The following DLEU7 variants were observed in gnomAD, a reference collection of about 807,000 sequenced individuals.
DLEU7 encodes the protein deleted in lymphocytic leukemia 7.
DLEU7 carries 17 observed loss-of-function variants against 16.0 expected under a neutral mutation model. That is an observed-to-expected ratio of 1.06 (90% CI 0.73 to 1.59). DLEU7 has a LOEUF of 1.59. DLEU7 is among the 40% of genes most tolerant of loss of function. DLEU7 has a pLI of 0.00. For missense variants in DLEU7, 308 were observed against 314.9 expected, an observed-to-expected ratio of 0.98 and a Z score of 0.17; for synonymous variants, 113 against 139.8, an observed-to-expected ratio of 0.81 and a Z score of 1.35.
chr13:50,725,904 A>G (rs1873750942), intron 1 of DLEU7, among the ~76,000 whole-genome samples: 1 of 152,154 alleles, frequency 6.6e-6, no homozygotes, highest in African/African-American at 2.4e-5. Context: ...TCTAATCATG[A>G]AGGTCTTGGT....
chr13:50,731,187 G>A (rs1348375063), intron 1 of DLEU7, among the ~76,000 whole-genome samples: 1 of 152,180 alleles, frequency 6.6e-6, no homozygotes, highest in Non-Finnish European at 1.5e-5. Flanking sequence ...CCTGTAGTGG[G>A]TATTTAAACC....
chr13:50,731,804 A>G (rs957175209), intron 1 of DLEU7, among the ~76,000 whole-genome samples: 1 of 152,196 alleles, frequency 6.6e-6, no homozygotes, highest in Non-Finnish European at 1.5e-5. Flanking sequence ...GTCCCTCCCA[A>G]TTACAAAGCC....
At position 50,798,063 on chromosome 13, in the gene DLEU7, A is replaced by T. The variant is rs111293605; in HGVS notation, c.459+45125T>A. On this transcript the variant is annotated intron_variant, in intron 1 of 1. Transcript: ENST00000400393. ...GCAGATTTCAGAATGCCATTGTAAT[A>T]GGTGGCACCACCAAATAGGCCTGGT... Among the ~76,000 whole-genome samples the T allele has an allele frequency of 3.8e-3, 573 of 152,328 alleles. 5 individuals carry two copies. The highest frequency in any genetic ancestry group is 0.013 in the African/African-American group (534 of 41,570).
chr13:50,776,100 C>A (rs531548437), intron 1 of DLEU7, among the ~76,000 whole-genome samples: 1 of 152,184 alleles, frequency 6.6e-6, no homozygotes, highest in Admixed American at 6.5e-5. Context: ...TTTTACAATA[C>A]CTGTTTTTAT....
At chr13:50,765,921 A>G (rs1875088075) in intron 1 of DLEU7, among the ~76,000 whole-genome samples, 1 of 152,180 alleles carries the variant, frequency 6.6e-6, no homozygotes. Flanking sequence ...TTTTTCTCTA[A>G]GCACTTTTAG....
downstream of DLEU7, among the ~76,000 whole-genome samples, chr13:50,820,206 A>G (rs904818261): frequency 2.0e-4 from 31 of 152,118 alleles, no homozygotes; most frequent in Non-Finnish European, 2.8e-4. Flanking sequence ...GCACAAATCC[A>G]TTTGGAGTGG....
intron 1 of DLEU7, among the ~76,000 whole-genome samples, chr13:50,756,263 G>A (rs899797415): frequency 5.3e-5 from 8 of 152,132 alleles, no homozygotes; most frequent in South Asian, 2.1e-4. Flanking sequence ...GGTGGTGGGC[G>A]GGGCCCTAGA....
intron 1 of DLEU7, among the ~76,000 whole-genome samples, chr13:50,825,807 G>C (rs1296135484): frequency 6.6e-6 from 1 of 152,138 alleles, no homozygotes; most frequent in African/African-American, 2.4e-5. Context: ...AATCATTCTT[G>C]CAGATATTAA....
intron 1 of DLEU7, among the ~76,000 whole-genome samples, chr13:50,742,356 A>T (rs1455229195): frequency 6.6e-6 from 1 of 152,198 alleles, no homozygotes; most frequent in East Asian, 1.9e-4. Context: ...AAAATTGAAG[A>T]CTATGGCATT....
downstream of DLEU7, among the ~76,000 whole-genome samples, chr13:50,819,038 T>C (rs1251352496): frequency 6.6e-6 from 1 of 152,100 alleles, no homozygotes; most frequent in Non-Finnish European, 1.5e-5. Flanking sequence ...TAAACATAAC[T>C]TTTGGGGCCA....
At chr13:50,793,646 C>G (rs1232392740) in intron 1 of DLEU7, among the ~76,000 whole-genome samples, 1 of 152,158 alleles carries the variant, frequency 6.6e-6, no homozygotes, top group Non-Finnish European at 1.5e-5. Context: ...GCTTGTAGGT[C>G]TTCTTTTGAG....
At chr13:50,842,755 T>G (rs11618768) in intron 1 of DLEU7, among the ~76,000 whole-genome samples, 2,192 of 152,318 alleles carry the variant, frequency 0.014, 36 homozygotes, top group East Asian at 0.039. Context: ...TGTAGATGAT[T>G]TCATCATACA....
chr13:50,826,308 A>T (rs996575159), intron 1 of DLEU7, among the ~76,000 whole-genome samples: 1 of 152,108 alleles, frequency 6.6e-6, no homozygotes, highest in Non-Finnish European at 1.5e-5. Flanking sequence ...CTGTGCCTTA[A>T]GTGATTAAAG....
chr13:50,811,578 T>C (rs1876567707), intron 1 of DLEU7, among the ~76,000 whole-genome samples: 1 of 152,062 alleles, frequency 6.6e-6, no homozygotes, highest in Admixed American at 6.6e-5. Context: ...AGGAAGAAAA[T>C]GGACCCATCA....
downstream of DLEU7, among the ~76,000 whole-genome samples, chr13:50,819,583 A>C (rs1166479308): frequency 6.6e-6 from 1 of 152,150 alleles, no homozygotes. Flanking sequence ...ATCTGATTTG[A>C]GACATGTTTT....
chr13:50,745,531 A>G (rs781660795), intron 1 of DLEU7, among the ~76,000 whole-genome samples: 3 of 152,188 alleles, frequency 2.0e-5, no homozygotes, highest in Non-Finnish European at 2.9e-5. Flanking sequence ...CCATACACTT[A>G]GAGGTAGTAA....
chr13:50,819,050 C>A (rs181667349), downstream of DLEU7, among the ~76,000 whole-genome samples: 143 of 152,248 alleles, frequency 9.4e-4, no homozygotes, highest in Admixed American at 3.1e-3. Context: ...TTGGGGCCAC[C>A]ATTTAGCCAC....
At chr13:50,810,025 C>CTT (rs5803534) in intron 1 of DLEU7, among the ~76,000 whole-genome samples, 58 of 146,450 alleles carry the variant, frequency 4.0e-4, no homozygotes, top group Middle Eastern at 3.5e-3. Flanking sequence ...TGGGGTAGCA[C>CTT]TTTTTTTTTT....
chr13:50,775,663 C>G (rs1307567613), intron 1 of DLEU7, among the ~76,000 whole-genome samples: 1 of 152,154 alleles, frequency 6.6e-6, no homozygotes, highest in Non-Finnish European at 1.5e-5. Flanking sequence ...GTGGGCTACA[C>G]GTAGATGGAC....
Sources: allele counts gnomAD v4.1 joint callset (sites outside exome capture counted in the v4.1 genomes callset), GRCh38; gene constraint gnomAD v4.1.1; transcripts MANE v1.5; gene names NCBI Gene and HGNC (gene_info 2026-07-23, HGNC 2026-07-21).